The following XPO5 variants were observed in gnomAD, a reference collection of about 807,000 sequenced individuals.
The protein encoded by XPO5 is exportin-5.
A neutral mutation model predicts 160.6 loss-of-function variants in XPO5; 46 were observed. That is an observed-to-expected ratio of 0.29 (90% confidence interval 0.23 to 0.37). The LOEUF (loss-of-function observed/expected upper bound fraction) is 0.37, where lower values mean the gene tolerates loss of function less well. XPO5 is among the 10% of genes least tolerant of loss of function. The pLI is 1.00. For missense variants in XPO5, 1,090 were observed against 1,463.9 expected (o/e 0.74, Z 4.17); for synonymous variants, 537 against 519.3 (o/e 1.03, Z -0.46).
intron 2 of XPO5, among the ~76,000 whole-genome samples, chr6:43,572,875 T>C (rs1053789279): frequency 1.3e-5 from 2 of 152,218 alleles, no homozygotes; most frequent in African/African-American, 4.8e-5. Flanking sequence ...AAAGTGAATA[T>C]ACATCTAGGT....
intron 23 of XPO5, 51 bp downstream of exon 23, chr6:43,530,633 TTCTC>T (rs765881909): frequency 1.1e-5 from 17 of 1,596,038 alleles, no homozygotes; most frequent in Middle Eastern, 1.7e-4. Flanking sequence ...CCTGTTTTGT[TTCTC>T]TCTCTAATTT....
rs1762464642 is a variant in XPO5, at chr6:43,562,439, T to TA, written c.912-94dup. 11 of 949,862 alleles carry TA rather than the reference T, an allele frequency of 1.2e-5. No individual in the cohort carries two copies. The East Asian group carries it at 2.9e-4, about 25-fold the overall frequency. The allele number at this position is 949,862 out of a possible 1,614,324, so 58.8% of individuals were successfully genotyped here. On this transcript the variant is annotated intron_variant, in intron 8 of 31. Transcript: ENST00000265351. Reference sequence around the variant, plus strand: ...GTCTCATTTCTCCAAGTCATTTAGTTAGGTCTGTAATTCAGCAGAATTCCA... The same window carrying TA: ...GTCTCATTTCTCCAAGTCATTTAGTTAAGGTCTGTAATTCAGCAGAATTCCA...
Position 43,567,282 on chromosome 6 carries a change from T to G in XPO5, c.721A>C (p.Ser241Arg). The change falls in exon 7 of 32, where the codon AGT (serine) becomes CGT (arginine). Residue 241 changes from serine to arginine, a missense_variant. By Grantham distance (110) the Ser-to-Arg change is moderately radical. This residue lies in a region of XPO5 where 110 missense variants were observed against 97.9 expected (regional missense o/e 1.12). Coordinates refer to ENST00000265351, the MANE Select transcript of XPO5 (RefSeq NM_020750.3). ...TTACAGTTTTCAGCAGTGATGTGAC[T>G]CATAGACACCCAGTCAATATAGCCT... is the stretch of plus-strand genomic sequence containing the variant. Reference protein sequence around the residue: ...LAGYIDWVSMSHITAENCKLL... With the variant: ...LAGYIDWVSMRHITAENCKLL... The G allele has an allele frequency of 6.2e-7, 1 of 1,613,968 alleles. No homozygotes were observed. The highest frequency in any genetic ancestry group is 8.5e-7 in the Non-Finnish European group (1 of 1,179,888).
chr6:43,522,529 G>A lies in XPO5; in HGVS notation c.*1339C>T. ...GAATAGGCAGCTATCAGGTTTGGAG[G>A]GAAACACTCTTGAGATCGCCTTCAC... On this transcript the variant is annotated 3_prime_UTR_variant, in exon 32 of 32. Coordinates refer to ENST00000265351, the MANE Select transcript of XPO5 (RefSeq NM_020750.3). 4.2e-6 allele frequency: 1 copy of A among 240,434 alleles called. No homozygotes were observed. The highest frequency in any genetic ancestry group is 9.3e-6 in the Non-Finnish European group (1 of 107,238). 14.9% of individuals were successfully genotyped at this position (240,434 alleles called of 1,614,324 possible).
intron 14 of XPO5, 101 bp downstream of exon 14, chr6:43,553,272 A>G: frequency 1.4e-6 from 2 of 1,407,596 alleles, no homozygotes; most frequent in South Asian, 2.9e-5. Context: ...ACTGCATTTC[A>G]GCCTGAGCAA....
At chr6:43,571,917 AAT>A (rs1763029596) in intron 3 of XPO5, among the ~76,000 whole-genome samples, 1 of 152,224 alleles carries the variant, frequency 6.6e-6, no homozygotes, top group African/African-American at 2.4e-5. Flanking sequence ...AATAAAAGAA[AAT>A]AGTGTTTCAA....
At position 43,560,311 on chromosome 6, in the gene XPO5, G is replaced by GAAA; in HGVS notation, c.1096-11_1096-9dup. On this transcript the variant is annotated splice_polypyrimidine_tract_variant and intron_variant, in intron 10 of 31. Coordinates refer to ENST00000265351, the MANE Select transcript of XPO5 (RefSeq NM_020750.3). The stretch of plus-strand genomic sequence containing the variant: ...AGTTGAAGAGCGTAGAAACTAAAGA[G>GAAA]AAAAAAAAAAGAAAACGTCAAAGGA... 1 of 1,418,134 alleles carries GAAA rather than the reference G, an allele frequency of 7.1e-7. No homozygotes were observed. Among genetic ancestry groups the GAAA allele is most frequent in the Non-Finnish European group, 9.4e-7 (1 of 1,059,452 alleles). The allele number at this position is 1,418,134 out of a possible 1,614,324, so 87.8% of individuals were successfully genotyped here. A position where few individuals can be genotyped will look rare whatever the true frequency, so the allele number is the denominator to read the frequency against.
chr6:43,563,194 G>A (rs116407354), intron 8 of XPO5, among the ~76,000 whole-genome samples: 8,951 of 151,994 alleles, frequency 0.059, 368 homozygotes, highest in Non-Finnish European at 0.088. Context: ...GCTCAAATAT[G>A]GCTCACTGAA....
At chr6:43,528,620 A>C (rs750370349) in intron 24 of XPO5, among the ~76,000 whole-genome samples, 1 of 152,152 alleles carries the variant, frequency 6.6e-6, no homozygotes, top group African/African-American at 2.4e-5. Flanking sequence ...TCTGCAACTG[A>C]AGCTGTCTTG....
chr6:43,524,660 C>T, intron 30 of XPO5, 25 bp from the exon 31 acceptor site: 1 of 1,609,598 alleles, frequency 6.2e-7, no homozygotes, highest in Non-Finnish European at 8.5e-7. Flanking sequence ...GATAAACTTA[C>T]TGGATGTAGG....
chr6:43,548,536 A>T (rs1795074410), intron 17 of XPO5, 76 bp from the exon 18 acceptor site: 1 of 1,327,530 alleles, frequency 7.5e-7, no homozygotes. Flanking sequence ...CTCAAGGAAG[A>T]AAGAAGAAAA....
At chr6:43,532,597 T>TTA (rs1794051157) in intron 21 of XPO5, among the ~76,000 whole-genome samples, 1 of 152,196 alleles carries the variant, frequency 6.6e-6, no homozygotes, top group Non-Finnish European at 1.5e-5. Flanking sequence ...GCCTCAGATC[T>TTA]TATACCTGCC....
chr6:43,544,297 T>C (rs6936089), intron 20 of XPO5: 4,996 of 156,006 alleles, frequency 0.032, 264 homozygotes, highest in African/African-American at 0.11. Flanking sequence ...TGTCTTTCTA[T>C]AGAAAATAGG....
At chr6:43,537,683 A>T (rs533525046) in intron 20 of XPO5, among the ~76,000 whole-genome samples, 1 of 152,334 alleles carries the variant, frequency 6.6e-6, no homozygotes, top group Admixed American at 6.5e-5. Context: ...AGTAGACAAG[A>T]TCAAACAATA....
chr6:43,570,802 C>T (rs1762973047), intron 4 of XPO5, 55 bp downstream of exon 4: 3 of 1,552,190 alleles, frequency 1.9e-6, no homozygotes, highest in Non-Finnish European at 2.6e-6. Flanking sequence ...AACAACAAAC[C>T]CTGAAGTTTG....
At chr6:43,538,507 A>T (rs1794490924) in intron 20 of XPO5, among the ~76,000 whole-genome samples, 1 of 152,150 alleles carries the variant, frequency 6.6e-6, no homozygotes, top group Non-Finnish European at 1.5e-5. Flanking sequence ...GATAAACAGA[A>T]AAAAGGAAAA....
chr6:43,550,073 G>A, intron 15 of XPO5, 139 bp from the exon 16 acceptor site: 1 of 831,784 alleles, frequency 1.2e-6, no homozygotes, highest in Non-Finnish European at 2.0e-6. Flanking sequence ...TGGGACTACG[G>A]GCATGAGCTT....
intron 14 of XPO5, among the ~76,000 whole-genome samples, chr6:43,552,230 G>A (rs922898840): frequency 1.3e-5 from 2 of 151,948 alleles, no homozygotes; most frequent in Non-Finnish European, 2.9e-5. Context: ...GCTAATTTTT[G>A]TATTTTTAGT....
At chr6:43,549,352 C>T (rs889897895) in intron 17 of XPO5, 137 bp downstream of exon 17, 1 of 816,308 alleles carries the variant, frequency 1.2e-6, no homozygotes, top group South Asian at 2.0e-5. Flanking sequence ...GTGTGAGCCA[C>T]CATGCCCGGC....
Sources: gnomAD v4.1 joint callset for allele counts (sites outside exome capture counted in the v4.1 genomes callset) on GRCh38, gnomAD v4.1.1 for gene constraint, gnomAD v4.1.1 regional missense constraint, MANE v1.5 for transcripts, NCBI Gene and HGNC (gene_info 2026-07-23, HGNC 2026-07-21) for gene names.